Variants in NBPF11 observed in about 807,000 individuals in gnomAD.
NBPF11 encodes NBPF member 11.
Under a neutral mutation model 93.9 loss-of-function variants are expected in NBPF11, and 72 were observed. The observed-to-expected ratio is 0.77, with a 90% CI of 0.63 to 0.93. The LOEUF (loss-of-function observed/expected upper bound fraction) is 0.93. NBPF11 is among the 40% of genes least tolerant of loss of function. The pLI, the probability that NBPF11 is intolerant of heterozygous loss-of-function variation, is 0.00. For synonymous variants in NBPF11, 224 were observed against 304.9 expected, an observed-to-expected ratio of 0.73 and a Z score of 2.76; for missense variants, 705 against 802.2, an observed-to-expected ratio of 0.88 and a Z score of 1.46.
chr1:148,149,671 G>A (rs1647788300), intron 1 of NBPF11: 1 of 975,794 alleles, frequency 1.0e-6, no homozygotes, highest in Admixed American at 2.6e-5. Flanking sequence ...GGGCGGCCCA[G>A]GGGACCCCGC....
chr1:148,109,231 G>A (rs1664651072), intron 17 of NBPF11, 53 bp downstream of exon 17: 4 of 911,078 alleles, frequency 4.4e-6, no homozygotes, highest in Admixed American at 1.7e-5. Context: ...CCCTGGACTT[G>A]GCATCTCCAG....
rs1290070207 is a variant in NBPF11, at chr1:148,145,123, T to C, written c.-548-1437A>G. On this transcript the variant is annotated intron_variant, in intron 1 of 23. Transcript: ENST00000682118. ...GTCTGAAAAAAAAAAATGCAAAAAC[T>C]AAAATAAAATTGCTATAAGGTTAAT... is the stretch of plus-strand genomic sequence containing the variant. Among the ~76,000 whole-genome samples, 32 of 146,106 alleles carry C rather than the reference T, an allele frequency of 2.2e-4. 1 individual carries two copies. The highest frequency in any genetic ancestry group is 8.1e-4 in the African/African-American group (31 of 38,402).
Position 148,103,149 on chromosome 1 carries a change from C to T in NBPF11, c.*747G>A, listed in dbSNP as rs1290856434. The T allele has an allele frequency of 1.1e-4, 21 of 193,434 alleles. No homozygotes were observed. The highest frequency in any genetic ancestry group is 3.7e-4 in the South Asian group (4 of 10,736). 12.0% of individuals were successfully genotyped at this position (193,434 alleles called of 1,614,324 possible). A position where few individuals can be genotyped will look rare whatever the true frequency, so the allele number is the denominator to read the frequency against. On this transcript the variant is annotated 3_prime_UTR_variant, in exon 24 of 24. Coordinates refer to ENST00000682118, the MANE Select transcript of NBPF11 (RefSeq NM_001385469.3). ...GGCTTCTCTAACCAAAGGAGCCTAG[C>T]GGGTTAACAATTGTCAAGAGCAGTT...
At chr1:148,134,698 C>T (rs1474111458) in intron 4 of NBPF11, among the ~76,000 whole-genome samples, 1 of 151,684 alleles carries the variant, frequency 6.6e-6, no homozygotes, top group African/African-American at 2.4e-5. Flanking sequence ...TTATTTCATG[C>T]CTTTCTAATT....
At chr1:148,148,551 G>A (rs1300904870) in intron 1 of NBPF11, among the ~76,000 whole-genome samples, 2 of 152,156 alleles carry the variant, frequency 1.3e-5, no homozygotes, top group East Asian at 1.9e-4. Context: ...GGAAGGTGCT[G>A]GTGGGAGGGG....
chr1:148,147,243 G>A (rs1259592232), intron 1 of NBPF11, among the ~76,000 whole-genome samples: 1 of 152,066 alleles, frequency 6.6e-6, no homozygotes, highest in African/African-American at 2.4e-5. Flanking sequence ...GTGGGTGGTG[G>A]TCTGGGGGTC....
At chr1:148,122,433 G>T (rs3992689) in intron 8 of NBPF11, among the ~76,000 whole-genome samples, 167 bp from the exon 9 acceptor site, 1 of 152,124 alleles carries the variant, frequency 6.6e-6, no homozygotes, top group Admixed American at 6.5e-5. Flanking sequence ...CTGCAACAGA[G>T]CTTCGCTGCC....
rs1385492574 is a variant in NBPF11, at chr1:148,147,507, G to A, written c.-548-3821C>T. Among the ~76,000 whole-genome samples, 119 of 152,150 alleles carry A rather than the reference G, an allele frequency of 7.8e-4. 1 individual carries two copies. Among genetic ancestry groups the A allele is most frequent in the African/African-American group, 2.4e-3 (100 of 41,384 alleles). ...CCTGTGCTTGCCTGGGCCCTTCACC[G>A]GTGTTTGAGCAGCGCCCGGGCCAGT... On this transcript the variant is annotated intron_variant, in intron 1 of 23. Transcript: ENST00000682118.
chr1:148,116,108 A>G (rs1666466937), intron 13 of NBPF11, 110 bp from the exon 14 acceptor site: 1 of 909,072 alleles, frequency 1.1e-6, no homozygotes, highest in Non-Finnish European at 1.7e-6. Flanking sequence ...GGTCCCAGAA[A>G]GCAAAATGGA....
At chr1:148,142,004 A>AG (rs1553276209) in intron 2 of NBPF11, among the ~76,000 whole-genome samples, 1 of 116,304 alleles carries the variant, frequency 8.6e-6, no homozygotes, top group Non-Finnish European at 1.8e-5. Flanking sequence ...GAGGGAGGGA[A>AG]GGAGGGAGGG....
Position 148,120,539 on chromosome 1 carries a change from T to C in NBPF11, c.950A>G (p.Gln317Arg). The change falls in exon 10 of 24, where the codon CAA becomes CGA. Residue 317 changes from glutamine to arginine, a missense_variant. Gln to Arg is a conservative substitution (Grantham distance 43, BLOSUM62 1). Transcript: ENST00000682118. The stretch of plus-strand genomic sequence containing the variant: ...CTGCTTGGCCAGGAAGCAGGCCACT[T>C]GAGTTACAAAACATTTCTCTTTGAG... ...RSLKEKCFVT[Q>R]VACFLAKQQN... The C allele has an allele frequency of 5.0e-6, 5 of 998,254 alleles. No homozygotes were observed. The highest frequency in any genetic ancestry group is 8.1e-6 in the Non-Finnish European group (5 of 618,260). 61.8% of individuals were successfully genotyped at this position (998,254 alleles called of 1,614,324 possible).
intron 3 of NBPF11, among the ~76,000 whole-genome samples, 152 bp from the exon 4 acceptor site, chr1:148,135,965 T>A (rs1202535770): frequency 6.6e-6 from 1 of 152,022 alleles, no homozygotes; most frequent in Non-Finnish European, 1.5e-5. Context: ...ATGATTAAAC[T>A]CCTTCCTGAA....
At chr1:148,149,490 A>G in intron 1 of NBPF11, 1 of 1,592,774 alleles carries the variant, frequency 6.3e-7, no homozygotes. Flanking sequence ...GGGCACAACG[A>G]CATCGAGCTC....
chr1:148,132,031 C>A lies in NBPF11; in HGVS notation c.-36+3641G>T, dbSNP rs1481215095. ...AAACAGTGGAGCATCTTTTCCTATG[C>A]TAATTGACCATTCATGTATCTTCTT... On this transcript the variant is annotated intron_variant, in intron 4 of 23. Transcript: ENST00000682118. Among the ~76,000 whole-genome samples, 4 of 133,648 alleles carry A rather than the reference C, an allele frequency of 3.0e-5. No homozygotes were observed. In the South Asian group the frequency reaches 1.0e-3, roughly 34 times the overall value. The allele number at this position is 133,648 out of a possible 152,430, so 87.7% of individuals were successfully genotyped here. A position where few individuals can be genotyped will look rare whatever the true frequency, so the allele number is the denominator to read the frequency against.
chr1:148,139,051 G>A (rs1309513301), intron 2 of NBPF11, among the ~76,000 whole-genome samples: 16 of 151,304 alleles, frequency 1.1e-4, no homozygotes, highest in Middle Eastern at 3.4e-3. Context: ...AGATGGCGCC[G>A]TTGCATTCGA....
intron 9 of NBPF11, among the ~76,000 whole-genome samples, chr1:148,121,407 C>A (rs202124230): frequency 1.4e-5 from 2 of 144,262 alleles, no homozygotes; most frequent in East Asian, 4.3e-4. Flanking sequence ...GAGTGCAGTG[C>A]CACAGTCTCG....
chr1:148,108,872 C>CACAG (rs1391818070), intron 17 of NBPF11, among the ~76,000 whole-genome samples: 12 of 150,276 alleles, frequency 8.0e-5, no homozygotes, highest in African/African-American at 2.7e-4. Context: ...CACACACACA[C>CACAG]ACACACACAC....
Position 148,143,234 on chromosome 1 carries a change from A to G in NBPF11, c.-277+181T>C, listed in dbSNP as rs1405541159. On this transcript the variant is annotated intron_variant, in intron 2 of 23. Transcript: ENST00000682118. The stretch of plus-strand genomic sequence containing the variant: ...CACCCGACCATGGCACTGCAAGTCC[A>G]GGGCGGCACACGCTGTGAATATTTG... Among the ~76,000 whole-genome samples, 12 of 152,186 alleles carry G rather than the reference A, an allele frequency of 7.9e-5. No individual in the cohort carries two copies. In the East Asian group the frequency reaches 2.3e-3, roughly 29 times the overall value.
At chr1:148,132,231 ACAC>A (rs1447078556) in intron 4 of NBPF11, among the ~76,000 whole-genome samples, 64 of 112,636 alleles carry the variant, frequency 5.7e-4, no homozygotes, top group African/African-American at 1.7e-3. Context: ...ACACACACAC[ACAC>A]ATGTTTGTGT....
Sources: gnomAD v4.1 joint callset for allele counts (sites outside exome capture counted in the v4.1 genomes callset) on GRCh38, gnomAD v4.1.1 for gene constraint, MANE v1.5 for transcripts, NCBI Gene and HGNC (gene_info 2026-07-23, HGNC 2026-07-21) for gene names.